Variants in RIBC1 observed in about 807,000 individuals in gnomAD.
The protein encoded by RIBC1 is RIB43A-like with coiled-coils protein 1.
RIBC1 carries 12 observed loss-of-function variants against 33.7 expected under a neutral mutation model. That is an observed-to-expected ratio of 0.36 (90% CI 0.23 to 0.58). The LOEUF (loss-of-function observed/expected upper bound fraction) is 0.58, where lower values mean the gene tolerates loss of function less well. Among genes scored for constraint, RIBC1 ranks in the 20% least tolerant of loss-of-function variants. The probability of loss-of-function intolerance (pLI) is 0.81; values close to 1 mark genes in which losing one functional copy is unlikely to be tolerated. For missense variants in RIBC1, 242 were observed against 311.6 expected (o/e 0.78, Z 1.68); for synonymous variants, 89 against 109.0 (o/e 0.82, Z 1.14).
In RIBC1 at chrX:53,430,929, A is replaced by T; in HGVS notation, c.1081A>T (p.Ile361Phe). ...CAGGCAGGATTACCTGAATTCAGTA[A>T]TCTACACCAATCAACCTACAGCCCA... ...KAQQDYLNSV[I>F]YTNQPTAQYH... Residue 361 changes from isoleucine (I) to phenylalanine (F), a missense_variant, in exon 8 of 8, where the codon ATC becomes TTC. Transcript: ENST00000375327. 3 of 1,211,178 alleles carry T rather than the reference A, an allele frequency of 2.5e-6. No individual in the cohort carries two copies. Among genetic ancestry groups the T allele is most frequent in the Non-Finnish European group, 3.4e-6 (3 of 895,301 alleles).
chrX:53,426,324 C>T lies in RIBC1; in HGVS notation c.48C>T (p.Ile16=), dbSNP rs144461098. The T allele has an allele frequency of 6.6e-3, 7,990 of 1,207,535 alleles. 494 individuals are homozygous for T. In the Admixed American group the frequency reaches 0.15, roughly 23 times the overall value. The change falls in exon 3 of 8, where the codon ATC becomes ATT. Residue 16 remains isoleucine, a synonymous_variant. Coordinates refer to ENST00000375327, the MANE Select transcript of RIBC1 (RefSeq NM_001031745.5). ...CAGATACCAAGGAAGCAGCAGCCATCGAGGCTAGAAGAAATCGAGAAAAAG... is the reference window on the plus strand; with the variant it reads ...CAGATACCAAGGAAGCAGCAGCCATTGAGGCTAGAAGAAATCGAGAAAAAG... ...QSTDTKEAAA[I]EARRNREKER... is the part of the protein sequence containing the mutation.
chrX:53,427,912 G>A (rs2075800582), intron 3 of RIBC1, 91 bp from the exon 4 acceptor site: 3 of 753,717 alleles, frequency 4.0e-6, no homozygotes, highest in Non-Finnish European at 6.1e-6. Flanking sequence ...ACAGGATTCT[G>A]AAACAGGTAA....
Position 53,431,028 on chromosome X carries a change from A to G in RIBC1, c.*40A>G. On this transcript the variant is annotated 3_prime_UTR_variant, in exon 8 of 8. Coordinates refer to ENST00000375327, the MANE Select transcript of RIBC1 (RefSeq NM_001031745.5). ...TCTCTCTCTCCCTTCTCCTCCATCA[A>G]GCTCACAGGTGGTTAGGAGTCAAAG... The G allele has an allele frequency of 8.3e-7, 1 of 1,211,054 alleles. No homozygotes were observed. The highest frequency in any genetic ancestry group is 1.1e-6 in the Non-Finnish European group (1 of 895,139).
At chrX:53,429,592 A>G in intron 5 of RIBC1, 1 of 738,338 alleles carries the variant, frequency 1.4e-6, no homozygotes, top group Non-Finnish European at 1.8e-6. Context: ...GAGATATGAA[A>G]TGATTTACCC....
intron 6 of RIBC1, 139 bp from the exon 7 acceptor site, chrX:53,430,257 A>G (rs2075815741): frequency 9.5e-6 from 5 of 525,118 alleles, no homozygotes; most frequent in Non-Finnish European, 1.5e-5. Context: ...TCCCCAACAC[A>G]TATTAGGGGC....
intron 2 of RIBC1, among the ~76,000 whole-genome samples, chrX:53,424,741 C>T (rs782472327): frequency 9.1e-6 from 1 of 110,022 alleles, no homozygotes; most frequent in African/African-American, 3.3e-5. Context: ...TATCTCACAC[C>T]ATACACAAAA....
At chrX:53,427,939 G>A in intron 3 of RIBC1, 64 bp from the exon 4 acceptor site, 2 of 911,566 alleles carry the variant, frequency 2.2e-6, no homozygotes, top group Non-Finnish European at 3.2e-6. Flanking sequence ...ATTAGTTTGT[G>A]GTAGGACATT....
At position 53,428,385 on chromosome X, in the gene RIBC1, A is replaced by G; in HGVS notation, c.302A>G (p.Gln101Arg). The part of the protein sequence containing the change: ...LAKKVQEFRE[Q>R]KQQLKNGREF... ...AAGAAAGTCCAGGAGTTTCGGGAGC[A>G]GAAGCAGCAGCTCAAGAACGGGCGT... Residue 101 changes from glutamine to arginine, a missense_variant, in exon 5 of 8, where the codon CAG becomes CGG. Gln to Arg is a conservative substitution (Grantham distance 43, BLOSUM62 1). Transcript: ENST00000375327. The G allele has an allele frequency of 2.5e-6, 3 of 1,210,081 alleles. No homozygotes were observed. In the East Asian group the frequency reaches 8.9e-5, roughly 36 times the overall value.
Position 53,430,762 on chromosome X carries a change from C to G in RIBC1, c.1030C>G (p.Gln344Glu). ...VFQRGLGSFN[Q>E]QLANEQKAQQ... is the part of the protein sequence containing the mutation. ...TCAAAGGGGTCTAGGATCCTTCAAC[C>G]AGCAGCTGGCTAATGAGCAAAAAGC... is the stretch of plus-strand genomic sequence containing the variant. The change falls in exon 7 of 8, where the codon CAG (glutamine) becomes GAG (glutamate). Residue 344 changes from glutamine to glutamate, a missense_variant. Coordinates refer to ENST00000375327, the MANE Select transcript of RIBC1 (RefSeq NM_001031745.5). 1 of 1,204,865 alleles carries G rather than the reference C, an allele frequency of 8.3e-7. No homozygotes were observed. The highest frequency in any genetic ancestry group is 1.8e-5 in the South Asian group (1 of 56,029).
chrX:53,429,568 T>C (rs918083802), intron 5 of RIBC1: 3 of 536,249 alleles, frequency 5.6e-6, no homozygotes, highest in Non-Finnish European at 2.6e-6. Context: ...ACATGGCCCT[T>C]AGACTGAGAT....
At chrX:53,426,239 C>A in intron 2 of RIBC1, 38 bp from the exon 3 acceptor site, 1 of 927,508 alleles carries the variant, frequency 1.1e-6, no homozygotes, top group South Asian at 2.0e-5. Context: ...AGACGGTGGT[C>A]GGCACTGATG....
In RIBC1 at chrX:53,430,560, C is replaced by T; in HGVS notation, c.828C>T (p.Gly276=). The T allele has an allele frequency of 8.3e-7, 1 of 1,207,442 alleles. No individual in the cohort carries two copies. Among genetic ancestry groups the T allele is most frequent in the Middle Eastern group, 2.3e-4 (1 of 4,349 alleles). The change falls in exon 7 of 8, where the codon GGC becomes GGT. Residue 276 remains glycine (G), a synonymous_variant. Coordinates refer to ENST00000375327, the MANE Select transcript of RIBC1 (RefSeq NM_001031745.5). ...PYRVLPYCWK[G]MTPEQQAAIR... is the part of the protein sequence containing the mutation. ...GGGTCCTGCCCTATTGCTGGAAGGG[C>T]ATGACTCCAGAGCAGCAAGCTGCCA...
chrX:53,429,963 C>T lies in RIBC1; in HGVS notation c.654C>T (p.Asn218=). The T allele has an allele frequency of 8.3e-7, 1 of 1,202,745 alleles. No individual in the cohort carries two copies. Among genetic ancestry groups the T allele is most frequent in the Non-Finnish European group, 1.1e-6 (1 of 887,806 alleles). ...TGATGTGTGCCATGGCCAACGCCAA[C>T]AAAGCGCAGGTATGGCCTGAGCCAT... ...AAMMCAMANA[N]KAQAAVQAGR... The change falls in exon 6 of 8, where the codon AAC becomes AAT. Residue 218 remains asparagine, a synonymous_variant. Coordinates refer to ENST00000375327, the MANE Select transcript of RIBC1 (RefSeq NM_001031745.5).
intron 2 of RIBC1, among the ~76,000 whole-genome samples, chrX:53,424,089 G>T (rs2146616687): frequency 9.1e-6 from 1 of 110,179 alleles, no homozygotes; most frequent in African/African-American, 3.3e-5. Context: ...TAAATAAAGG[G>T]AGGAAGCTTG....
chrX:53,428,891 A>G, intron 5 of RIBC1: 1 of 930,565 alleles, frequency 1.1e-6, no homozygotes. Context: ...GCCACTTACT[A>G]GCTGGTTTGG....
rs1013687010 is a variant in RIBC1, at chrX:53,431,060, A to G, written c.*72A>G. 20 of 1,199,544 alleles carry G rather than the reference A, an allele frequency of 1.7e-5. No individual in the cohort carries two copies. Among genetic ancestry groups the G allele is most frequent in the Non-Finnish European group, 1.9e-5 (17 of 886,909 alleles). The stretch of plus-strand genomic sequence containing the variant: ...AGGTGGTTAGGAGTCAAAGAGAAAA[A>G]TGCTGCATACTCCCACCTTCTAACC... On this transcript the variant is annotated 3_prime_UTR_variant, in exon 8 of 8. Transcript: ENST00000375327.
intron 5 of RIBC1, 60 bp downstream of exon 5, chrX:53,428,687 C>G: frequency 1.7e-6 from 2 of 1,187,978 alleles, no homozygotes; most frequent in Non-Finnish European, 2.3e-6. Context: ...CTGTCCTAAG[C>G]TGAGTACAGC....
rs1433127226 is a variant in RIBC1, at chrX:53,430,388, T to C, written c.664-8T>C. The C allele has an allele frequency of 7.5e-6, 9 of 1,198,339 alleles. No homozygotes were observed. The East Asian group carries it at 1.5e-4, about 20-fold the overall frequency. On this transcript the variant is annotated splice_polypyrimidine_tract_variant and splice_region_variant and intron_variant, in intron 6 of 7. Coordinates refer to ENST00000375327, the MANE Select transcript of RIBC1 (RefSeq NM_001031745.5). ...CACCCAAATGTTTGCATTTGGGGGC[T>C]CCACCAGGCAGCTGTGCAGGCTGGG...
rs187567439 is a variant in RIBC1 at position 53,424,028 on chromosome X, C to T, written c.-1+626C>T. Among the ~76,000 whole-genome samples, 10 of 110,348 alleles carry T rather than the reference C, an allele frequency of 9.1e-5. 1 individual carries two copies. Among genetic ancestry groups the T allele is most frequent in the South Asian group, 7.7e-4 (2 of 2,593 alleles). ...GGTTGAGGCTGTAGTGAGTGGTGTC[C>T]GCACCACTTCACTCCAGCCTAGGTG... On this transcript the variant is annotated intron_variant, in intron 2 of 7. Transcript: ENST00000375327.
Sources: gnomAD v4.1 joint callset for allele counts (sites outside exome capture counted in the v4.1 genomes callset) on GRCh38, gnomAD v4.1.1 for gene constraint, MANE v1.5 for transcripts, NCBI Gene and HGNC (gene_info 2026-07-23, HGNC 2026-07-21) for gene names.